The following CLEC2B variants were observed in gnomAD, a reference collection of about 807,000 sequenced individuals.
CLEC2B encodes C-type lectin domain family 2 member B.
In CLEC2B, 14 loss-of-function variants were observed where a neutral mutation model predicts 16.2. The observed-to-expected ratio is 0.86, with a 90% confidence interval of 0.57 to 1.35. The LOEUF (loss-of-function observed/expected upper bound fraction) is 1.35. Ranked by LOEUF, CLEC2B falls within the 40% of genes most tolerant of loss-of-function variation. CLEC2B has a pLI of 0.00. For missense variants in CLEC2B, 166 were observed against 182.3 expected, an observed-to-expected ratio of 0.91 and a Z score of 0.52; for synonymous variants, 42 against 55.8, an observed-to-expected ratio of 0.75 and a Z score of 1.10.
chr12:9,852,938 C>G lies in CLEC2B; in HGVS notation c.*362G>C, dbSNP rs892771620. 1 of 189,852 alleles carries G rather than the reference C, an allele frequency of 5.3e-6. No homozygotes were observed. The highest frequency in any genetic ancestry group is 1.1e-5 in the Non-Finnish European group (1 of 91,224). The allele number at this position is 189,852 out of a possible 1,614,324, so 11.8% of individuals were successfully genotyped here. On this transcript the variant is annotated 3_prime_UTR_variant, in exon 5 of 5. Coordinates refer to ENST00000228438, the MANE Select transcript of CLEC2B (RefSeq NM_005127.3). ...TGGACTCCCAGTTTCACATTTTGTT[C>G]AATAGGCCATAATCTCCTATTCTGG...
intron 2 of CLEC2B, among the ~76,000 whole-genome samples, chr12:9,861,439 A>C (rs530583152): frequency 5.3e-5 from 8 of 152,286 alleles, no homozygotes; most frequent in African/African-American, 1.9e-4. Flanking sequence ...TTGACATGGC[A>C]TGGAGCAATT....
chr12:9,866,436 C>T (rs555785098), intron 1 of CLEC2B, among the ~76,000 whole-genome samples: 3 of 150,298 alleles, frequency 2.0e-5, no homozygotes, highest in East Asian at 2.0e-4. Context: ...ATCCTATACT[C>T]TTCATCCATT....
In CLEC2B at chr12:9,853,190, A is replaced by G; in HGVS notation, c.*110T>C. The G allele has an allele frequency of 1.2e-6, 1 of 846,112 alleles. No individual in the cohort carries two copies. Among genetic ancestry groups the G allele is most frequent in the East Asian group, 2.7e-5 (1 of 37,588 alleles). 52.4% of individuals were successfully genotyped at this position (846,112 alleles called of 1,614,324 possible). On this transcript the variant is annotated 3_prime_UTR_variant, in exon 5 of 5. Transcript: ENST00000228438. The stretch of plus-strand genomic sequence containing the variant: ...ATGTGTAGCCTGACACGTAAGCAGA[A>G]TTAACCAGACAGGTACAAAACTCGA...
chr12:9,855,265 C>G (rs1018901771), intron 3 of CLEC2B, among the ~76,000 whole-genome samples: 1 of 152,014 alleles, frequency 6.6e-6, no homozygotes, highest in South Asian at 2.1e-4. Flanking sequence ...ATCCTATCTA[C>G]CCCAACAGTG....
chr12:9,854,496 A>G lies in CLEC2B; in HGVS notation c.238-12T>C, dbSNP rs1238637107. ...CGCCTAAGAAAATTCTTTAGAGACA[A>G]AATTAATTTCAAAATCATACATGCC... On this transcript the variant is annotated splice_polypyrimidine_tract_variant and intron_variant, in intron 3 of 4. Transcript: ENST00000228438. 1 of 1,572,308 alleles carries G rather than the reference A, an allele frequency of 6.4e-7. No homozygotes were observed. The highest frequency in any genetic ancestry group is 8.8e-7 in the Non-Finnish European group (1 of 1,142,276).
intron 3 of CLEC2B, among the ~76,000 whole-genome samples, chr12:9,855,580 A>G (rs1867889433): frequency 6.6e-6 from 1 of 151,978 alleles, no homozygotes; most frequent in African/African-American, 2.4e-5. Context: ...AGGGAAGAGT[A>G]GAATATTCCG....
intron 1 of CLEC2B, among the ~76,000 whole-genome samples, chr12:9,866,092 T>A (rs1867968305): frequency 6.6e-6 from 1 of 152,112 alleles, no homozygotes; most frequent in African/African-American, 2.4e-5. Flanking sequence ...CTTAAAGGAT[T>A]TGTAAGAGCA....
At position 9,857,456 on chromosome 12, in the gene CLEC2B, G is replaced by A. The variant is rs1192797699; in HGVS notation, c.237+18C>T. 2.6e-6 allele frequency: 4 copies of A among 1,566,428 alleles called. No homozygotes were observed. The highest frequency in any genetic ancestry group is 1.7e-5 in the Admixed American group (1 of 58,192). On this transcript the variant is annotated intron_variant, in intron 3 of 4. Coordinates refer to ENST00000228438, the MANE Select transcript of CLEC2B (RefSeq NM_005127.3). The stretch of plus-strand genomic sequence containing the variant: ...CGACTCAAGAAAATTCACAAAGAAT[G>A]TATATTAAATTACTTACCATTTCTT...
chr12:9,860,946 T>C (rs1399577818), intron 2 of CLEC2B, among the ~76,000 whole-genome samples: 1 of 151,876 alleles, frequency 6.6e-6, no homozygotes, highest in Non-Finnish European at 1.5e-5. Flanking sequence ...CTAAAATTTA[T>C]AAAAATCAAC....
At chr12:9,857,349 G>A in intron 3 of CLEC2B, 125 bp downstream of exon 3, 2 of 705,398 alleles carry the variant, frequency 2.8e-6, no homozygotes, top group Non-Finnish European at 4.7e-6. Context: ...GGCATACTCT[G>A]AACATCTTCA....
intron 1 of CLEC2B, chr12:9,867,167 A>C (rs904982715): frequency 1.3e-5 from 2 of 152,198 alleles, no homozygotes; most frequent in African/African-American, 4.8e-5. Context: ...AAACTGATGA[A>C]TGGAGACCAT....
At chr12:9,862,723 G>A (rs992477521) in intron 1 of CLEC2B, 150 bp from the exon 2 acceptor site, 1 of 677,686 alleles carries the variant, frequency 1.5e-6, no homozygotes, top group South Asian at 2.7e-5. Flanking sequence ...TCAAATATGA[G>A]AAGAAGACAA....
intron 2 of CLEC2B, among the ~76,000 whole-genome samples, chr12:9,861,420 A>G (rs1052164812): frequency 1.3e-5 from 2 of 152,080 alleles, no homozygotes; most frequent in Non-Finnish European, 2.9e-5. Context: ...TAAAACCAAC[A>G]ATAAAGTATT....
intron 1 of CLEC2B, among the ~76,000 whole-genome samples, chr12:9,867,944 A>C (rs972053165): frequency 1.3e-5 from 2 of 151,978 alleles, no homozygotes; most frequent in Non-Finnish European, 2.9e-5. Flanking sequence ...GCTAATAGCT[A>C]TAGAAAAAAA....
At chr12:9,853,623 T>C (rs76001862) in intron 4 of CLEC2B, among the ~76,000 whole-genome samples, 2,870 of 152,308 alleles carry the variant, frequency 0.019, 100 homozygotes, top group African/African-American at 0.064. Context: ...TGGTTACATG[T>C]AATCAGTGGA....
intron 2 of CLEC2B, 86 bp from the exon 3 acceptor site, chr12:9,857,723 TG>T (rs1230121321): frequency 9.5e-6 from 10 of 1,047,448 alleles, no homozygotes; most frequent in Non-Finnish European, 1.1e-5. Context: ...AGGTTTTTGA[TG>T]TAAAAGATTA....
chr12:9,857,526 T>C lies in CLEC2B; in HGVS notation c.185A>G (p.Asn62Ser), dbSNP rs770816005. 1 of 1,611,292 alleles carries C rather than the reference T, an allele frequency of 6.2e-7. No homozygotes were observed. The highest frequency in any genetic ancestry group is 1.7e-5 in the Admixed American group (1 of 59,804). ...EEGDWNSSKY[N>S]CSTQHADLTI... is the part of the protein sequence containing the mutation. Reference sequence around the variant, plus strand: ...TAGGTCGGCATGTTGAGTGGAACAGTTGTATTTACTTGAATTCCAATCTCC... The same window carrying C: ...TAGGTCGGCATGTTGAGTGGAACAGCTGTATTTACTTGAATTCCAATCTCC... The change falls in exon 3 of 5, where the codon AAC becomes AGC. Residue 62 changes from asparagine (N) to serine (S), a missense_variant. Coordinates refer to ENST00000228438, the MANE Select transcript of CLEC2B (RefSeq NM_005127.3).
chr12:9,855,521 G>GA (rs956725109), intron 3 of CLEC2B, among the ~76,000 whole-genome samples: 2 of 151,922 alleles, frequency 1.3e-5, no homozygotes, highest in Non-Finnish European at 2.9e-5. Flanking sequence ...GGAATTTACG[G>GA]AAAAAAATAT....
intron 1 of CLEC2B, among the ~76,000 whole-genome samples, chr12:9,865,204 A>G (rs1867962025): frequency 6.7e-6 from 1 of 148,688 alleles, no homozygotes; most frequent in Non-Finnish European, 1.5e-5. Context: ...AAAAAAAAGC[A>G]TAAAGTTAAA....
Sources: allele counts gnomAD v4.1 joint callset (sites outside exome capture counted in the v4.1 genomes callset), GRCh38; gene constraint gnomAD v4.1.1; transcripts MANE v1.5; gene names NCBI Gene and HGNC (gene_info 2026-07-23, HGNC 2026-07-21).